The following ZMYM2 variants were observed in gnomAD, a reference collection of about 807,000 sequenced individuals.
ZMYM2 encodes the protein zinc finger MYM-type containing 2, also known as zinc finger MYM-type protein 2.
ZMYM2 carries 56 observed loss-of-function variants against 162.8 expected under a neutral mutation model. The ratio of observed to expected loss-of-function variants is 0.34; its 90% confidence interval spans 0.28 to 0.43. ZMYM2 has a LOEUF of 0.43. ZMYM2 is among the 20% of genes least tolerant of loss of function. ZMYM2 has a pLI of 1.00. For missense variants in ZMYM2, 1,275 were observed against 1,621.8 expected (o/e 0.79, Z 3.67); for synonymous variants, 510 against 541.6 (o/e 0.94, Z 0.81).
At chr13:19,926,172 G>C in the ZMYM2 span, among the ~76,000 whole-genome samples, 2 of 151,386 alleles carry the variant, frequency 1.3e-5, no homozygotes, top group African/African-American at 2.4e-5. Context: ...TGTTGGCCAG[G>C]CTGGTCTCGA....
At chr13:20,026,433 G>T in intron 7 of ZMYM2, 179 bp from the exon 8 acceptor site, 1 of 505,762 alleles carries the variant, frequency 2.0e-6, no homozygotes. Context: ...GCTTTGTTTG[G>T]ACCTTAGCAG....
chr13:20,021,286 A>T (rs919100337), intron 7 of ZMYM2, among the ~76,000 whole-genome samples: 3 of 148,246 alleles, frequency 2.0e-5, no homozygotes, highest in Non-Finnish European at 4.5e-5. Flanking sequence ...TACTGTTTTC[A>T]TATCTGCCAT....
chr13:19,899,818 A>AC, the ZMYM2 span, among the ~76,000 whole-genome samples: 1 of 26,634 alleles, frequency 3.8e-5, no homozygotes, highest in African/African-American at 5.7e-5. Flanking sequence ...CTCTGACTCA[A>AC]AAAAAAAAAA....
intron 2 of ZMYM2, among the ~76,000 whole-genome samples, chr13:19,977,282 A>C (rs1199494268): frequency 6.6e-6 from 1 of 152,026 alleles, no homozygotes; most frequent in Non-Finnish European, 1.5e-5. Flanking sequence ...TCGGCTCCCA[A>C]AGTGTTGGGA....
At chr13:19,923,805 G>A in the ZMYM2 span, among the ~76,000 whole-genome samples, 1 of 151,230 alleles carries the variant, frequency 6.6e-6, no homozygotes, top group South Asian at 2.1e-4. Context: ...TGAGTAGCTG[G>A]GATTACAGGT....
the ZMYM2 span, among the ~76,000 whole-genome samples, chr13:19,865,610 T>G: frequency 6.6e-6 from 1 of 152,212 alleles, no homozygotes; most frequent in East Asian, 1.9e-4. Flanking sequence ...GACAGAAACT[T>G]TAAATGGTAA....
the ZMYM2 span, among the ~76,000 whole-genome samples, chr13:19,894,347 TG>T: frequency 3.8e-4 from 56 of 147,632 alleles, no homozygotes; most frequent in African/African-American, 1.1e-3. Flanking sequence ...CTGGATATCT[TG>T]TTTTTTTTTT....
the ZMYM2 span, among the ~76,000 whole-genome samples, chr13:19,895,459 G>A: frequency 6.6e-6 from 1 of 151,890 alleles, no homozygotes; most frequent in Non-Finnish European, 1.5e-5. Context: ...CCAAGGTAGA[G>A]GTAGGGGCAT....
intron 2 of ZMYM2, among the ~76,000 whole-genome samples, chr13:19,971,379 T>TCCTA (rs1283277757): frequency 6.7e-6 from 1 of 149,768 alleles, no homozygotes. Context: ...GAAGCTAATC[T>TCCTA]CCTATCTCAG....
At chr13:19,951,091 A>G in the ZMYM2 span, among the ~76,000 whole-genome samples, 1 of 152,222 alleles carries the variant, frequency 6.6e-6, no homozygotes, top group Non-Finnish European at 1.5e-5. Context: ...CAAGACAATA[A>G]TTCTTCCAGT....
At chr13:19,911,526 T>A in the ZMYM2 span, among the ~76,000 whole-genome samples, 2 of 152,188 alleles carry the variant, frequency 1.3e-5, no homozygotes, top group Admixed American at 6.5e-5. Context: ...GGGGTGACTA[T>A]GTATTGGGGA....
In ZMYM2 at chr13:20,010,442, A is replaced by G. The variant is rs755767009; in HGVS notation, c.1512+3856A>G. Among the ~76,000 whole-genome samples, 91 of 152,200 alleles carry G rather than the reference A, an allele frequency of 6.0e-4. 1 individual carries two copies. Among genetic ancestry groups the G allele is most frequent in the Non-Finnish European group, 1.1e-3 (73 of 68,000 alleles). On this transcript the variant is annotated intron_variant, in intron 6 of 24. Coordinates refer to ENST00000610343, the MANE Select transcript of ZMYM2 (RefSeq NM_197968.4). ...GGTCTCGAACTCCTAAGCTCAAGCC[A>G]TCTGCCTGCCTTGGCCTTCCAAAGT...
At chr13:19,922,763 G>A in the ZMYM2 span, among the ~76,000 whole-genome samples, 1 of 152,134 alleles carries the variant, frequency 6.6e-6, no homozygotes, top group Non-Finnish European at 1.5e-5. Flanking sequence ...AGAATGGCGA[G>A]AACCCGGGAG....
intron 4 of ZMYM2, among the ~76,000 whole-genome samples, chr13:20,004,325 C>G (rs181624292): frequency 6.6e-6 from 1 of 152,038 alleles, no homozygotes; most frequent in Non-Finnish European, 1.5e-5. Flanking sequence ...CGCTGATCTC[C>G]GCTCACTGCA....
At chr13:20,074,699 C>G (rs113805150) in intron 21 of ZMYM2, among the ~76,000 whole-genome samples, 1 of 152,014 alleles carries the variant, frequency 6.6e-6, no homozygotes, top group East Asian at 1.9e-4. Context: ...CAACCACGCC[C>G]GGCTAATTTT....
At chr13:20,011,160 G>T (rs146367874) in intron 6 of ZMYM2, among the ~76,000 whole-genome samples, 28 of 152,190 alleles carry the variant, frequency 1.8e-4, no homozygotes, top group Admixed American at 1.8e-3. Context: ...ATAGTGCTAT[G>T]GAACAATAGA....
intron 21 of ZMYM2, among the ~76,000 whole-genome samples, chr13:20,081,301 T>C (rs1416046551): frequency 6.6e-6 from 1 of 152,214 alleles, no homozygotes; most frequent in Admixed American, 6.5e-5. Context: ...CTTAGAACAG[T>C]GTACTCCCAA....
chr13:19,956,135 C>T (rs576378649), upstream of ZMYM2, among the ~76,000 whole-genome samples: 29 of 152,336 alleles, frequency 1.9e-4, no homozygotes, highest in South Asian at 5.6e-3. Flanking sequence ...CTTTTAGCTA[C>T]CATTTTCTAC....
the ZMYM2 span, among the ~76,000 whole-genome samples, chr13:19,878,289 G>T: frequency 6.6e-6 from 1 of 152,064 alleles, no homozygotes; most frequent in East Asian, 1.9e-4. Flanking sequence ...CTGACCTCAA[G>T]TGATCTGCCT....
Sources: allele counts gnomAD v4.1 joint callset (sites outside exome capture counted in the v4.1 genomes callset), GRCh38; gene constraint gnomAD v4.1.1; transcripts MANE v1.5; gene names NCBI Gene and HGNC (gene_info 2026-07-23, HGNC 2026-07-21).